The following TRPV4 variants were observed in gnomAD, a reference collection of about 807,000 sequenced individuals.
TRPV4 encodes the protein transient receptor potential cation channel subfamily V member 4, also known as OSM9-like transient receptor potential channel 4.
A neutral mutation model predicts 84.1 loss-of-function variants in TRPV4; 58 were observed. That is an observed-to-expected ratio of 0.69 (90% CI 0.56 to 0.86). The LOEUF (loss-of-function observed/expected upper bound fraction) is 0.86, where lower values mean the gene tolerates loss of function less well. Among genes scored for constraint, TRPV4 ranks in the 40% least tolerant of loss-of-function variants. The pLI is 0.00. For missense variants in TRPV4, 879 were observed against 1,181.1 expected (o/e 0.74, Z 3.75); for synonymous variants, 489 against 500.9 (o/e 0.98, Z 0.32).
At position 109,786,754 on chromosome 12, in the gene TRPV4, C is replaced by G; in HGVS notation, c.2292G>C (p.Val764=). ...CAGGAGTGCCGTCCGAGCTCTTGCC[C>G]ACGGTGACCATCTCCCCAGAGCGGA... is the stretch of plus-strand genomic sequence containing the variant. ...KAFRSGEMVT[V]GKSSDGTPDR... The change falls in exon 14 of 16, where the codon GTG becomes GTC. Residue 764 remains valine, a synonymous_variant. Transcript: ENST00000261740. The surrounding 1 kb of genome is among the most constrained non-coding windows in gnomAD (Gnocchi z 4.5). The G allele has an allele frequency of 6.2e-7, 1 of 1,613,988 alleles. No individual in the cohort carries two copies. The highest frequency in any genetic ancestry group is 2.2e-5 in the East Asian group (1 of 44,872).
In TRPV4 at chr12:109,792,396, C is replaced by A. The variant is rs121912633; in HGVS notation, c.1858G>T (p.Val620Phe). 1 of 1,613,774 alleles carries A rather than the reference C, an allele frequency of 6.2e-7. No individual in the cohort carries two copies. The highest frequency in any genetic ancestry group is 1.3e-5 in the African/African-American group (1 of 74,884). ...TAGCCGATCATGAAGAGCAAGTAGA[C>A]GAGCAGGAATCGGAAAAGGTCCTTG... ...LFKDLFRFLL[V>F]YLLFMIGYAS... The change falls in exon 12 of 16, where the codon GTC (valine) becomes TTC (phenylalanine). Residue 620 changes from valine (V) to phenylalanine (F), a missense_variant. By Grantham distance (50) the Val-to-Phe change is conservative. Around this residue, in one of 4 missense-constraint regions of TRPV4, gnomAD observed 242 missense variants for 355.3 expected, o/e 0.68. Coordinates refer to ENST00000261740, the MANE Select transcript of TRPV4 (RefSeq NM_021625.5).
At chr12:109,825,617 C>T (rs552172585) in intron 1 of TRPV4, among the ~76,000 whole-genome samples, 58 of 152,266 alleles carry the variant, frequency 3.8e-4, no homozygotes. Context: ...AGGGTTTCCT[C>T]GCCACCTCAT....
Position 109,796,510 on chromosome 12 carries a change from C to A in TRPV4, c.1332+15G>T. On this transcript the variant is annotated intron_variant, in intron 7 of 15. Transcript: ENST00000261740. This position sits in a 1 kb window ranked among gnomAD's most constrained non-coding sequence, Gnocchi z 4.2. ...CCCTCCTTCCTCACACCCCATGCCC[C>A]CTCCTGGAGCCCACCTCAATCTTGC... The A allele has an allele frequency of 6.2e-7, 1 of 1,613,976 alleles. No homozygotes were observed. The highest frequency in any genetic ancestry group is 8.5e-7 in the Non-Finnish European group (1 of 1,179,960).
chr12:109,803,155 G>C lies in TRPV4; in HGVS notation c.560-12C>G, dbSNP rs752125058. ...CCCCGTAGATGGCTCTAGCAAGAGA[G>C]ACACACAAGATGACGCAGTGCTCCA... On this transcript the variant is annotated splice_polypyrimidine_tract_variant and intron_variant, in intron 3 of 15. Coordinates refer to ENST00000261740, the MANE Select transcript of TRPV4 (RefSeq NM_021625.5). 1.9e-5 allele frequency: 30 copies of C among 1,613,530 alleles called. No homozygotes were observed. Among genetic ancestry groups the C allele is most frequent in the Non-Finnish European group, 2.3e-5 (27 of 1,180,006 alleles).
chr12:109,811,455 C>T (rs913477295), intron 2 of TRPV4, among the ~76,000 whole-genome samples: 1 of 152,064 alleles, frequency 6.6e-6, no homozygotes, highest in Non-Finnish European at 1.5e-5. Context: ...GACAGTAGTT[C>T]GAGACTAGCC....
At position 109,786,936 on chromosome 12, in the gene TRPV4, GAAC is replaced by G. The variant is rs1889725483; in HGVS notation, c.2209-102_2209-100del. 1.4e-5 allele frequency: 21 copies of G among 1,545,850 alleles called. No individual in the cohort carries two copies. The highest frequency in any genetic ancestry group is 1.6e-5 in the Non-Finnish European group (18 of 1,130,276). ...GAGACAACGGGCCAGGGTGGGCCCA[GAAC>G]TAGGCATTTAGACTCCTACTCCCCA... On this transcript the variant is annotated intron_variant, in intron 13 of 15. Coordinates refer to ENST00000261740, the MANE Select transcript of TRPV4 (RefSeq NM_021625.5). This position sits in a 1 kb window ranked among gnomAD's most constrained non-coding sequence, Gnocchi z 4.5.
At chr12:109,791,908 C>T (rs1031065439) in intron 12 of TRPV4, among the ~76,000 whole-genome samples, 23 of 151,894 alleles carry the variant, frequency 1.5e-4, no homozygotes, top group African/African-American at 5.1e-4. Context: ...AGGATGGAAA[C>T]GTACTTAGTC....
chr12:109,808,812 A>C lies in TRPV4; in HGVS notation c.387-344T>G, dbSNP rs1891309039. 2.0e-5 allele frequency among the ~76,000 whole-genome samples: 3 copies of C among 147,378 alleles called. No individual in the cohort carries two copies. In the South Asian group the frequency reaches 6.3e-4, roughly 31 times the overall value. On this transcript the variant is annotated intron_variant, in intron 2 of 15. Transcript: ENST00000261740. ...CATCTACCTATCCACCCACTCATCCATCTATCCACCCATCCATCCATCACT... is the reference window on the plus strand; with the variant it reads ...CATCTACCTATCCACCCACTCATCCCTCTATCCACCCATCCATCCATCACT...
intron 2 of TRPV4, among the ~76,000 whole-genome samples, chr12:109,810,543 C>T (rs1349662347): frequency 6.6e-6 from 1 of 152,166 alleles, no homozygotes; most frequent in Admixed American, 6.5e-5. Flanking sequence ...CTCCCTTCCT[C>T]TTCGCCAGGG....
intron 1 of TRPV4, among the ~76,000 whole-genome samples, 174 bp downstream of exon 1, chr12:109,833,176 G>A (rs1892463008): frequency 6.6e-6 from 1 of 152,212 alleles, no homozygotes; most frequent in East Asian, 1.9e-4. Flanking sequence ...CGGCCCAAGG[G>A]CACTTAGCTG....
intron 13 of TRPV4, 79 bp downstream of exon 13, chr12:109,788,321 C>T (rs1039275712): frequency 2.3e-5 from 32 of 1,419,766 alleles, no homozygotes; most frequent in Middle Eastern, 2.3e-4. Context: ...AGTGGAAGGC[C>T]GAGGAAGCCA....
At chr12:109,821,724 G>T (rs1282521452) in intron 1 of TRPV4, among the ~76,000 whole-genome samples, 1 of 151,984 alleles carries the variant, frequency 6.6e-6, no homozygotes, top group Non-Finnish European at 1.5e-5. Flanking sequence ...TAGAGGCAGG[G>T]TTTTGCCATG....
intron 2 of TRPV4, among the ~76,000 whole-genome samples, chr12:109,813,661 G>A (rs964771484): frequency 6.6e-6 from 1 of 152,124 alleles, no homozygotes; most frequent in East Asian, 1.9e-4. Flanking sequence ...GTAGAGTAAT[G>A]GATGATGGAT....
In TRPV4 at chr12:109,798,674, G is replaced by A. The variant is rs761716884; in HGVS notation, c.1092C>T (p.Ala364=). ...GCGAGAGGCCGTCGTTGTTGAGCAC[G>A]GCCTCCAGGTTGCTGTCGGGGAAGA... The part of the protein sequence containing the change: ...ARLFPDSNLE[A]VLNNDGLSPL... Residue 364 remains alanine (A), a synonymous_variant, in exon 6 of 16, where the codon GCC becomes GCT. Transcript: ENST00000261740. This position sits in a 1 kb window ranked among gnomAD's most constrained non-coding sequence, Gnocchi z 5.0. 22 of 1,613,568 alleles carry A rather than the reference G, an allele frequency of 1.4e-5. No homozygotes were observed. Among genetic ancestry groups the A allele is most frequent in the African/African-American group, 8.0e-5 (6 of 74,928 alleles).
In TRPV4 at chr12:109,808,290, G is replaced by A; in HGVS notation, c.559+6C>T. ...CCCACTGGCTATGCCCATCTGGGTG[G>A]CTCACCTCGAAACTCCTCATCAGTT... On this transcript the variant is annotated splice_donor_region_variant and intron_variant, in intron 3 of 15. Transcript: ENST00000261740. The A allele has an allele frequency of 1.2e-6, 2 of 1,613,968 alleles. No individual in the cohort carries two copies. The highest frequency in any genetic ancestry group is 1.7e-6 in the Non-Finnish European group (2 of 1,179,948).
intron 14 of TRPV4, among the ~76,000 whole-genome samples, chr12:109,785,813 G>A (rs192571105): frequency 0.01 from 1,585 of 151,924 alleles, 80 homozygotes; most frequent in Admixed American, 0.08. Flanking sequence ...TGGGAAGATC[G>A]CTTGAGACCA....
At position 109,792,426 on chromosome 12, in the gene TRPV4, G is replaced by C; in HGVS notation, c.1828C>G (p.Leu610Val). 6.2e-7 allele frequency: 1 copy of C among 1,613,880 alleles called. No individual in the cohort carries two copies. Among genetic ancestry groups the C allele is most frequent in the Non-Finnish European group, 8.5e-7 (1 of 1,179,950 alleles). ...GTYSIMIQKI[L>V]FKDLFRFLLV... Reference sequence around the variant, plus strand: ...AGGAATCGGAAAAGGTCCTTGAAGAGAATCTAAAGACCCCAGCGGGATTAT... The same window carrying C: ...AGGAATCGGAAAAGGTCCTTGAAGACAATCTAAAGACCCCAGCGGGATTAT... The change falls in exon 12 of 16, where the codon CTC becomes GTC. Residue 610 changes from leucine (L) to valine (V), a missense_variant. Physicochemically the swap from Leu to Val is conservative, Grantham distance 32 (BLOSUM62 1). Coordinates refer to ENST00000261740, the MANE Select transcript of TRPV4 (RefSeq NM_021625.5).
chr12:109,813,626 G>A (rs1179950724), intron 2 of TRPV4, among the ~76,000 whole-genome samples: 1 of 152,146 alleles, frequency 6.6e-6, no homozygotes, highest in Non-Finnish European at 1.5e-5. Context: ...ATGTCCTATG[G>A]AAGGGTGGAC....
intron 12 of TRPV4, among the ~76,000 whole-genome samples, chr12:109,790,662 G>A (rs986698091): frequency 1.1e-4 from 16 of 151,834 alleles, no homozygotes; most frequent in Non-Finnish European, 4.4e-5. Flanking sequence ...CAGGAGGACT[G>A]CTTGAGCCCA....
Sources: gnomAD v4.1 joint callset for allele counts (sites outside exome capture counted in the v4.1 genomes callset) on GRCh38, gnomAD v4.1.1 for gene constraint, gnomAD v4.1.1 regional missense constraint, Gnocchi (gnomAD v3.1) non-coding constraint, MANE v1.5 for transcripts, NCBI Gene and HGNC (gene_info 2026-07-23, HGNC 2026-07-21) for gene names.